Variants in AKAP13 observed in about 807,000 individuals in gnomAD.
AKAP13 encodes the protein A-kinase anchor protein 13.
A neutral mutation model predicts 264.5 loss-of-function variants in AKAP13; 80 were observed. The ratio of observed to expected loss-of-function variants is 0.30; its 90% CI spans 0.25 to 0.36. AKAP13 has a LOEUF of 0.36. Ranked by LOEUF, AKAP13 falls within the 10% of genes least tolerant of loss-of-function variation. The pLI is 1.00. For missense variants in AKAP13, 3,712 were observed against 3,435.2 expected, an observed-to-expected ratio of 1.08 and a Z score of -2.01; for synonymous variants, 1,380 against 1,250.2, an observed-to-expected ratio of 1.10 and a Z score of -2.19.
chr15:85,409,022 T>C lies in AKAP13; in HGVS notation c.-12+28224T>C, dbSNP rs2071812735. 2.6e-5 allele frequency among the ~76,000 whole-genome samples: 4 copies of C among 151,796 alleles called. No individual in the cohort carries two copies. The South Asian group carries it at 8.3e-4, about 31-fold the overall frequency. ...TGTTTTTGTGACAGTAGTCATCTTA[T>C]AGTGTGTGAAGTGATATCTCATTGT... On this transcript the variant is annotated intron_variant, in intron 1 of 36. Transcript: ENST00000394518.
intron 25 of AKAP13, 56 bp downstream of exon 25, chr15:85,722,403 C>G (rs2087342454): frequency 1.4e-6 from 2 of 1,419,174 alleles, no homozygotes; most frequent in Non-Finnish European, 1.9e-6. Context: ...CCTCTGTGGC[C>G]AGTAGTACTG....
chr15:85,640,203 G>T (rs773200786), intron 9 of AKAP13, among the ~76,000 whole-genome samples: 1 of 152,124 alleles, frequency 6.6e-6, no homozygotes, highest in Admixed American at 6.5e-5. Context: ...TCATTTTGAG[G>T]GTGTAGTACA....
intron 1 of AKAP13, among the ~76,000 whole-genome samples, chr15:85,433,211 G>A (rs2073109631): frequency 8.0e-6 from 1 of 124,860 alleles, no homozygotes; most frequent in African/African-American, 3.1e-5. Flanking sequence ...GTTCTCTGTT[G>A]TTAGACAGCA....
In AKAP13 at chr15:85,543,969, C is replaced by G. The variant is rs1241864530; in HGVS notation, c.662+14C>G. 6.2e-7 allele frequency: 1 copy of G among 1,610,954 alleles called. No individual in the cohort carries two copies. Among genetic ancestry groups the G allele is most frequent in the Non-Finnish European group, 8.5e-7 (1 of 1,177,426 alleles). Reference sequence around the variant, plus strand: ...GCTTCTAACCGAGTAAGTGCTCCTTCTGCCTTATTTCCCTCCTCTCATCCC... The same window carrying G: ...GCTTCTAACCGAGTAAGTGCTCCTTGTGCCTTATTTCCCTCCTCTCATCCC... On this transcript the variant is annotated intron_variant, in intron 5 of 36. Coordinates refer to ENST00000394518, the MANE Select transcript of AKAP13 (RefSeq NM_007200.5).
chr15:85,637,159 C>G (rs2082102737), intron 8 of AKAP13, among the ~76,000 whole-genome samples: 1 of 152,178 alleles, frequency 6.6e-6, no homozygotes. Flanking sequence ...ATGCTAGGCT[C>G]ATAAAATGAG....
rs181332262 is a variant in AKAP13, at chr15:85,507,333, A to G, written c.34-14095A>G. 2.5e-3 allele frequency among the ~76,000 whole-genome samples: 373 copies of G among 151,884 alleles called. 1 individual carries two copies. Among genetic ancestry groups the G allele is most frequent in the African/African-American group, 8.2e-3 (341 of 41,454 alleles). Reference sequence around the variant, plus strand: ...TTTGTAAATAAAGTTTTGTTGAAACACAGTCACTCCCATTTCTTTATGTAT... The same window carrying G: ...TTTGTAAATAAAGTTTTGTTGAAACGCAGTCACTCCCATTTCTTTATGTAT... On this transcript the variant is annotated intron_variant, in intron 2 of 36. Coordinates refer to ENST00000394518, the MANE Select transcript of AKAP13 (RefSeq NM_007200.5).
intron 2 of AKAP13, among the ~76,000 whole-genome samples, chr15:85,513,184 C>A (rs1054927737): frequency 6.6e-6 from 1 of 152,082 alleles, no homozygotes; most frequent in Non-Finnish European, 1.5e-5. Flanking sequence ...CCTAGGTCCT[C>A]GGGTAAAAGG....
At chr15:85,732,430 A>G (rs1181103545) in intron 30 of AKAP13, among the ~76,000 whole-genome samples, 2 of 142,464 alleles carry the variant, frequency 1.4e-5, no homozygotes, top group African/African-American at 5.0e-5. Flanking sequence ...AAAAACATAT[A>G]TATAACATTA....
In AKAP13 at chr15:85,727,928, T is replaced by C. The variant is rs1160316950; in HGVS notation, c.7087+465T>C. Among the ~76,000 whole-genome samples, 1 of 152,220 alleles carries C rather than the reference T, an allele frequency of 6.6e-6. No homozygotes were observed. The highest frequency in any genetic ancestry group is 1.5e-5 in the Non-Finnish European group (1 of 68,034). On this transcript the variant is annotated intron_variant, in intron 29 of 36. Coordinates refer to ENST00000394518, the MANE Select transcript of AKAP13 (RefSeq NM_007200.5). The surrounding 1 kb of genome is among the most constrained non-coding windows in gnomAD (Gnocchi z 5.3). ...GTGAGGTGAAGTTTTGGGAGCAGGG[T>C]ATGTATCAATCTATGTTTGACCCTT...
intron 1 of AKAP13, among the ~76,000 whole-genome samples, chr15:85,424,228 G>A (rs2072659843): frequency 6.6e-6 from 1 of 152,230 alleles, no homozygotes; most frequent in African/African-American, 2.4e-5. Context: ...CCTAGATGGT[G>A]TCTTCTTCCA....
Position 85,710,563 on chromosome 15 carries a change from C to T in AKAP13, c.5533-16C>T, listed in dbSNP as rs1260211706. On this transcript the variant is annotated splice_polypyrimidine_tract_variant and intron_variant, in intron 18 of 36. Transcript: ENST00000394518. ...CAGAGGTGAATTGTCAATGGACTTACTTTCTTTCTCTTTAGCAGCCCAAAG... is the reference window on the plus strand; with the variant it reads ...CAGAGGTGAATTGTCAATGGACTTATTTTCTTTCTCTTTAGCAGCCCAAAG... 6.2e-7 allele frequency: 1 copy of T among 1,613,086 alleles called. No homozygotes were observed. Among genetic ancestry groups the T allele is most frequent in the South Asian group, 1.1e-5 (1 of 90,944 alleles).
At chr15:85,666,334 G>T (rs543136397) in intron 13 of AKAP13, among the ~76,000 whole-genome samples, 1 of 152,062 alleles carries the variant, frequency 6.6e-6, no homozygotes, top group South Asian at 2.1e-4. Context: ...CTTTTGAGAA[G>T]TGTCTGTTCA....
At chr15:85,561,539 A>G (rs1407717171) in intron 5 of AKAP13, among the ~76,000 whole-genome samples, 1 of 152,250 alleles carries the variant, frequency 6.6e-6, no homozygotes, top group African/African-American at 2.4e-5. Flanking sequence ...GATCACATCA[A>G]TAAATTTATA....
intron 1 of AKAP13, among the ~76,000 whole-genome samples, chr15:85,468,651 G>A (rs1295973018): frequency 2.6e-5 from 4 of 152,142 alleles, no homozygotes; most frequent in Non-Finnish European, 5.9e-5. Flanking sequence ...ATATGAACTG[G>A]ATTTGTAGAA....
At chr15:85,476,897 CAT>C (rs1266748724) in intron 1 of AKAP13, among the ~76,000 whole-genome samples, 3 of 152,100 alleles carry the variant, frequency 2.0e-5, no homozygotes, top group African/African-American at 7.2e-5. Context: ...TGGGCTTAAT[CAT>C]GTGCTGGCCA....
At chr15:85,620,093 T>C (rs1284728652) in intron 8 of AKAP13, 2 of 1,536,066 alleles carry the variant, frequency 1.3e-6, no homozygotes, top group Non-Finnish European at 8.7e-7. Flanking sequence ...TTGGGCAAAA[T>C]GTATGAACGG....
At chr15:85,382,422 A>G (rs932742304) in intron 1 of AKAP13, among the ~76,000 whole-genome samples, 1 of 152,198 alleles carries the variant, frequency 6.6e-6, no homozygotes, top group African/African-American at 2.4e-5. Context: ...TTTAAATTAC[A>G]GAGCCGCTTT....
At chr15:85,497,031 G>C (rs1197607915) in intron 2 of AKAP13, among the ~76,000 whole-genome samples, 6 of 152,142 alleles carry the variant, frequency 3.9e-5, no homozygotes, top group African/African-American at 9.7e-5. Flanking sequence ...AAGGTACAAA[G>C]GTCAAAGACT....
chr15:85,705,010 A>T (rs1282705675), intron 17 of AKAP13, among the ~76,000 whole-genome samples: 1 of 152,218 alleles, frequency 6.6e-6, no homozygotes, highest in Non-Finnish European at 1.5e-5. Flanking sequence ...GTCCATGCAA[A>T]CTATCACTAA....
Sources: allele counts gnomAD v4.1 joint callset (sites outside exome capture counted in the v4.1 genomes callset), GRCh38; gene constraint gnomAD v4.1.1; non-coding constraint Gnocchi (gnomAD v3.1); transcripts MANE v1.5; gene names NCBI Gene and HGNC (gene_info 2026-07-23, HGNC 2026-07-21).